Variants in UTP4 observed in about 807,000 individuals in gnomAD.
UTP4 encodes the protein UTP4 small subunit processome component.
In UTP4, 45 loss-of-function variants were observed where a neutral mutation model predicts 82.4. The ratio of observed to expected loss-of-function variants is 0.55; its 90% confidence interval spans 0.43 to 0.70. The LOEUF (loss-of-function observed/expected upper bound fraction) is 0.70, where lower values mean the gene tolerates loss of function less well. Among genes scored for constraint, UTP4 ranks in the 30% least tolerant of loss-of-function variants. The pLI, the probability that UTP4 is intolerant of heterozygous loss-of-function variation, is 0.00. For missense variants in UTP4, 819 were observed against 858.3 expected, an observed-to-expected ratio of 0.95 and a Z score of 0.57; for synonymous variants, 348 against 300.3, an observed-to-expected ratio of 1.16 and a Z score of -1.64.
At chr16:69,145,216 T>G (rs1410812245) in intron 6 of UTP4, among the ~76,000 whole-genome samples, 2 of 152,140 alleles carry the variant, frequency 1.3e-5, no homozygotes, top group African/African-American at 4.8e-5. Context: ...GAGAAGTCCT[T>G]GTCTTCCAAA....
intron 2 of UTP4, 32 bp downstream of exon 2, chr16:69,133,650 T>A: frequency 6.2e-7 from 1 of 1,608,098 alleles, no homozygotes; most frequent in Non-Finnish European, 8.5e-7. Flanking sequence ...TATGGTGTTT[T>A]GATGTTAATT....
In UTP4 at chr16:69,143,350, C is replaced by T. The variant is rs139686521; in HGVS notation, c.699C>T (p.Leu233=). The T allele has an allele frequency of 6.2e-7, 1 of 1,614,198 alleles. No homozygotes were observed. ...CTGGGACGCTTGTGAAGAGCCATCTCATCGCTAATGCTGACGTGCAGTCCA... is the reference window on the plus strand; with the variant it reads ...CTGGGACGCTTGTGAAGAGCCATCTTATCGCTAATGCTGACGTGCAGTCCA... The part of the protein sequence containing the change: ...SATGTLVKSH[L]IANADVQSIA... Residue 233 remains leucine, a synonymous_variant, in exon 6 of 17, where the codon CTC becomes CTT. Coordinates refer to ENST00000314423, the MANE Select transcript of UTP4 (RefSeq NM_032830.3).
intron 11 of UTP4, 23 bp downstream of exon 11, chr16:69,156,016 G>T: frequency 6.2e-7 from 1 of 1,613,290 alleles, no homozygotes; most frequent in South Asian, 1.1e-5. Context: ...CCAATATCTG[G>T]TCACATAAGA....
At chr16:69,141,875 A>G (rs1321839800) in intron 5 of UTP4, among the ~76,000 whole-genome samples, 2 of 151,124 alleles carry the variant, frequency 1.3e-5, no homozygotes, top group Admixed American at 1.3e-4. Flanking sequence ...TTTAGGGTAC[A>G]TGTGCACAAT....
At chr16:69,149,016 C>T (rs910750303) in intron 6 of UTP4, among the ~76,000 whole-genome samples, 8 of 151,766 alleles carry the variant, frequency 5.3e-5, no homozygotes, top group Non-Finnish European at 1.2e-4. Context: ...GAGGCTGAGG[C>T]GGGCGGATCA....
rs544682329 is a variant in UTP4, at chr16:69,168,463, C to T, written c.1945-358C>T. ...AAAAAAAAAAAAAAAAAAAAGGCTC[C>T]CAATCTTGAGCCAGGCGCAGCCGTG... On this transcript the variant is annotated intron_variant, in intron 16 of 16. Transcript: ENST00000314423. 1.3e-4 allele frequency among the ~76,000 whole-genome samples: 20 copies of T among 150,582 alleles called. No individual in the cohort carries two copies. The East Asian group carries it at 3.9e-3, about 29-fold the overall frequency.
intron 11 of UTP4, among the ~76,000 whole-genome samples, chr16:69,156,303 C>T (rs1278859968): frequency 6.6e-6 from 1 of 151,710 alleles, no homozygotes; most frequent in African/African-American, 2.4e-5. Flanking sequence ...TACAAGCACC[C>T]ACCACCACAC....
At chr16:69,156,705 C>T (rs956922154) in intron 11 of UTP4, among the ~76,000 whole-genome samples, 1 of 151,986 alleles carries the variant, frequency 6.6e-6, no homozygotes, top group Non-Finnish European at 1.5e-5. Flanking sequence ...TGATCCACCC[C>T]CTCAGCCTCC....
intron 10 of UTP4, 45 bp downstream of exon 10, chr16:69,154,502 A>C (rs760664078): frequency 7.3e-7 from 1 of 1,362,062 alleles, no homozygotes; most frequent in African/African-American, 1.4e-5. Flanking sequence ...CCTGAATTCT[A>C]GGCTCATAAT....
At chr16:69,150,954 T>C in intron 8 of UTP4, 50 bp downstream of exon 8, 1 of 1,346,074 alleles carries the variant, frequency 7.4e-7, no homozygotes, top group Non-Finnish European at 1.1e-6. Context: ...CCCATCCCTG[T>C]GTCCCCCTGT....
chr16:69,134,441 G>A (rs1962753184), intron 2 of UTP4, among the ~76,000 whole-genome samples: 1 of 151,706 alleles, frequency 6.6e-6, no homozygotes, highest in Non-Finnish European at 1.5e-5. Context: ...TTTCCAACCT[G>A]TAAAATAAAT....
intron 8 of UTP4, among the ~76,000 whole-genome samples, chr16:69,152,477 T>TC (rs1250058375): frequency 6.8e-6 from 1 of 146,574 alleles, no homozygotes; most frequent in Non-Finnish European, 1.5e-5. Flanking sequence ...TTTTTTTTTT[T>TC]TTTTTTTTTG....
intron 10 of UTP4, among the ~76,000 whole-genome samples, 172 bp downstream of exon 10, chr16:69,154,629 G>A (rs111295653): frequency 1.2e-4 from 18 of 152,180 alleles, no homozygotes; most frequent in African/African-American, 3.9e-4. Flanking sequence ...TAAGTAGGAC[G>A]TTGAGGATTT....
intron 15 of UTP4, chr16:69,165,827 T>A (rs1240898951): frequency 7.8e-6 from 4 of 514,270 alleles, no homozygotes; most frequent in Non-Finnish European, 1.4e-5. Context: ...AGAAAAGTGA[T>A]TAGGCCAGTA....
intron 4 of UTP4, chr16:69,139,559 A>C (rs2152277246): frequency 6.3e-6 from 1 of 158,438 alleles, no homozygotes; most frequent in South Asian, 2.0e-4. Flanking sequence ...GAATCACTTG[A>C]ACCTGGGAGG....
intron 2 of UTP4, 22 bp downstream of exon 2, chr16:69,133,640 T>TA: frequency 6.2e-7 from 1 of 1,612,442 alleles, no homozygotes; most frequent in Non-Finnish European, 8.5e-7. Flanking sequence ...GGGAGTCTGA[T>TA]ATGGTGTTTT....
chr16:69,162,906 A>G (rs1041313731), intron 13 of UTP4, among the ~76,000 whole-genome samples, 177 bp from the exon 14 acceptor site: 9 of 150,992 alleles, frequency 6.0e-5, no homozygotes, highest in Non-Finnish European at 7.4e-5. Flanking sequence ...AAAAAAAAAG[A>G]GAAGAAAAAG....
chr16:69,147,033 C>T lies in UTP4; in HGVS notation c.739-3504C>T, dbSNP rs1474460359. 3.4e-5 allele frequency among the ~76,000 whole-genome samples: 5 copies of T among 146,960 alleles called. No individual in the cohort carries two copies. In the South Asian group the frequency reaches 1.1e-3, roughly 31 times the overall value. ...AAAAAAAAAAAAATACAAAAATTAGCCTGCATGGTGCTGCGTGCCTGTAAT... is the reference window on the plus strand; with the variant it reads ...AAAAAAAAAAAAATACAAAAATTAGTCTGCATGGTGCTGCGTGCCTGTAAT... On this transcript the variant is annotated intron_variant, in intron 6 of 16. Transcript: ENST00000314423.
Position 69,149,380 on chromosome 16 carries a change from C to CA in UTP4, c.739-1149dup, listed in dbSNP as rs199910168. Among the ~76,000 whole-genome samples the CA allele has an allele frequency of 7.7e-3, 1,153 of 150,652 alleles. 37 individuals carry two copies. The highest frequency in any genetic ancestry group is 0.053 in the East Asian group (270 of 5,088). On this transcript the variant is annotated intron_variant, in intron 6 of 16. Transcript: ENST00000314423. ...GGGCGACAAGAGTGAAACTCTGTCT[C>CA]AAAAAAAACAAAAACAAAAATTAGC...
Sources: gnomAD v4.1 joint callset for allele counts (sites outside exome capture counted in the v4.1 genomes callset) on GRCh38, gnomAD v4.1.1 for gene constraint, MANE v1.5 for transcripts, NCBI Gene and HGNC (gene_info 2026-07-23, HGNC 2026-07-21) for gene names.